Variants in NRG3 observed in about 807,000 individuals in gnomAD.
NRG3 encodes pro-neuregulin-3, membrane-bound isoform.
A neutral mutation model predicts 66.9 loss-of-function variants in NRG3; 31 were observed. The ratio of observed to expected loss-of-function variants is 0.46; its 90% CI spans 0.35 to 0.63. The LOEUF (loss-of-function observed/expected upper bound fraction) is 0.63. Ranked by LOEUF, NRG3 falls within the 20% of genes least tolerant of loss-of-function variation. NRG3 has a pLI of 0.00. For synonymous variants in NRG3, 393 were observed against 359.4 expected, an observed-to-expected ratio of 1.09 and a Z score of -1.06; for missense variants, 910 against 878.9, an observed-to-expected ratio of 1.04 and a Z score of -0.45.
chr10:82,863,237 C>G (rs1033868433), intron 3 of NRG3, among the ~76,000 whole-genome samples: 3 of 152,100 alleles, frequency 2.0e-5, no homozygotes, highest in African/African-American at 7.3e-5. Flanking sequence ...ATATGTGCCA[C>G]ATTTTCTTTA....
At chr10:82,384,922 A>G (rs2085878778) in intron 2 of NRG3, among the ~76,000 whole-genome samples, 1 of 152,188 alleles carries the variant, frequency 6.6e-6, no homozygotes, top group African/African-American at 2.4e-5. Flanking sequence ...ATTTTTCTCC[A>G]CAACCTCGCC....
chr10:82,847,647 A>G (rs2063364991), intron 3 of NRG3, among the ~76,000 whole-genome samples: 1 of 152,176 alleles, frequency 6.6e-6, no homozygotes, highest in East Asian at 1.9e-4. Context: ...TATATCATGA[A>G]TACTTCAGTC....
At chr10:82,604,740 T>C (rs2047855197) in intron 2 of NRG3, among the ~76,000 whole-genome samples, 1 of 152,152 alleles carries the variant, frequency 6.6e-6, no homozygotes, top group Non-Finnish European at 1.5e-5. Flanking sequence ...CACAATTCAA[T>C]GGAGAAATTA....
intron 1 of NRG3, among the ~76,000 whole-genome samples, chr10:82,267,752 C>T (rs2078376879): frequency 6.6e-6 from 1 of 152,112 alleles, no homozygotes; most frequent in African/African-American, 2.4e-5. Context: ...TAATGGAAAC[C>T]TATTACTCAG....
intron 1 of NRG3, among the ~76,000 whole-genome samples, chr10:82,096,986 T>C (rs921009288): frequency 6.6e-6 from 1 of 152,162 alleles, no homozygotes; most frequent in Non-Finnish European, 1.5e-5. Flanking sequence ...CTTTTTGAGG[T>C]GCAGTTTTCT....
chr10:82,252,890 C>T (rs939931245), intron 1 of NRG3, among the ~76,000 whole-genome samples: 5 of 152,136 alleles, frequency 3.3e-5, no homozygotes, highest in East Asian at 1.9e-4. Flanking sequence ...GCCACTAAGC[C>T]GTGGATGTTC....
chr10:82,854,768 C>T (rs529858775), intron 3 of NRG3, among the ~76,000 whole-genome samples: 54 of 152,280 alleles, frequency 3.5e-4, no homozygotes, highest in Middle Eastern at 3.4e-3. Context: ...TTTCCTGAGT[C>T]CTAACCTAAG....
chr10:82,792,425 A>C (rs2060623960), intron 3 of NRG3, among the ~76,000 whole-genome samples: 1 of 152,120 alleles, frequency 6.6e-6, no homozygotes, highest in Non-Finnish European at 1.5e-5. Context: ...CACCAGTTTT[A>C]TCTTCAATTA....
At chr10:82,906,600 A>G (rs907700838) in intron 4 of NRG3, among the ~76,000 whole-genome samples, 1 of 152,202 alleles carries the variant, frequency 6.6e-6, no homozygotes, top group African/African-American at 2.4e-5. Context: ...GAATTTTAAG[A>G]CCACAAGACA....
At chr10:82,822,547 GGT>G (rs1319128219) in intron 3 of NRG3, among the ~76,000 whole-genome samples, 4 of 152,148 alleles carry the variant, frequency 2.6e-5, no homozygotes, top group Non-Finnish European at 5.9e-5. Context: ...GGTGATTGCA[GGT>G]GTGATTTCTA....
intron 2 of NRG3, among the ~76,000 whole-genome samples, chr10:82,626,196 G>A (rs1456708837): frequency 6.6e-6 from 1 of 152,144 alleles, no homozygotes; most frequent in Non-Finnish European, 1.5e-5. Context: ...TGAGATCCTT[G>A]CACTTTTATA....
At chr10:81,922,170 A>T (rs540439368) in intron 1 of NRG3, among the ~76,000 whole-genome samples, 46 of 152,248 alleles carry the variant, frequency 3.0e-4, no homozygotes, top group African/African-American at 1.1e-3. Flanking sequence ...TTGTTAAAAA[A>T]TTTTTTGACT....
chr10:82,077,415 A>C (rs768103650), intron 1 of NRG3, among the ~76,000 whole-genome samples: 2 of 152,242 alleles, frequency 1.3e-5, no homozygotes, highest in African/African-American at 4.8e-5. Context: ...AATTCCACTC[A>C]GTTTAACAAA....
chr10:82,574,651 A>G (rs2133150742), intron 2 of NRG3, among the ~76,000 whole-genome samples: 1 of 151,916 alleles, frequency 6.6e-6, no homozygotes, highest in Non-Finnish European at 1.5e-5. Context: ...TACCTCATAA[A>G]TGTTTATAAT....
intron 2 of NRG3, among the ~76,000 whole-genome samples, chr10:82,386,110 A>G (rs577761717): frequency 7.0e-4 from 106 of 152,252 alleles, no homozygotes; most frequent in Admixed American, 5.4e-3. Flanking sequence ...GTTTACTTTT[A>G]TTCCTCATTA....
intron 2 of NRG3, among the ~76,000 whole-genome samples, chr10:82,491,297 T>TATATATATATATATAC (rs1443793786): frequency 7.0e-5 from 9 of 128,736 alleles, no homozygotes; most frequent in African/African-American, 1.9e-4. Flanking sequence ...CCATAAAATA[T>TATATATATATATATAC]ATATATATAT....
chr10:82,263,312 G>A (rs902181258), intron 1 of NRG3, among the ~76,000 whole-genome samples: 1 of 152,098 alleles, frequency 6.6e-6, no homozygotes, highest in South Asian at 2.1e-4. Flanking sequence ...AGGTAGACAA[G>A]GCTGAGATTT....
chr10:82,552,731 T>G (rs558529039), intron 2 of NRG3, among the ~76,000 whole-genome samples: 58 of 152,284 alleles, frequency 3.8e-4, no homozygotes, highest in African/African-American at 1.3e-3. Context: ...TTTTGTCTCC[T>G]ATAGCAAAAA....
intron 4 of NRG3, among the ~76,000 whole-genome samples, chr10:82,948,892 G>T (rs1469125068): frequency 2.0e-5 from 3 of 152,084 alleles, no homozygotes; most frequent in Admixed American, 2.0e-4. Flanking sequence ...CCAGCTGAAT[G>T]ATTTTTATTC....
Sources: allele counts gnomAD v4.1 joint callset (sites outside exome capture counted in the v4.1 genomes callset), GRCh38; gene constraint gnomAD v4.1.1; transcripts MANE v1.5; gene names NCBI Gene and HGNC (gene_info 2026-07-23, HGNC 2026-07-21).